The following ZFHX3 variants were observed in gnomAD, a reference collection of about 807,000 sequenced individuals.
ZFHX3 encodes the protein zinc finger homeobox 3, also known as zinc finger homeobox protein 3.
ZFHX3 carries 42 observed loss-of-function variants against 279.1 expected under a neutral mutation model. The ratio of observed to expected loss-of-function variants is 0.15; its 90% confidence interval spans 0.12 to 0.19. The LOEUF is 0.19. ZFHX3 is among the 10% of genes least tolerant of loss of function. The pLI is 1.00. For synonymous variants in ZFHX3, 2,293 were observed against 1,957.8 expected (o/e 1.17, Z -4.52); for missense variants, 4,981 against 4,754.0 (o/e 1.05, Z -1.40).
chr16:73,483,731 G>C lies in ZFHX3; in HGVS notation c.-1546-27473C>G, dbSNP rs962757229. Among the ~76,000 whole-genome samples the C allele has an allele frequency of 5.9e-5, 9 of 152,210 alleles. No homozygotes were observed. The South Asian group carries it at 1.9e-3, about 32-fold the overall frequency. ...CAAATATCGACAAAGGCTCGACACA[G>C]TTTCGCTATTGTGGATCCGGAGGGT... is the stretch of plus-strand genomic sequence containing the variant. On this transcript the variant is annotated intron_variant, in intron 2 of 17. Coordinates refer to the ZFHX3 transcript ENST00000641206.
In ZFHX3 at chr16:73,474,383, A is replaced by G. The variant is rs539773665; in HGVS notation, c.-1546-18125T>C. Among the ~76,000 whole-genome samples the G allele has an allele frequency of 9.8e-5, 15 of 152,318 alleles. No homozygotes were observed. The South Asian group carries it at 3.1e-3, about 32-fold the overall frequency. On this transcript the variant is annotated intron_variant, in intron 2 of 17. Transcript: ENST00000641206. ...AGGCCGGTCTCGAACTCCTGACCTC[A>G]GGTGATCCACCCACCTTGGCCTCCC...
chr16:72,870,464 C>T (rs893955645), intron 4 of ZFHX3, among the ~76,000 whole-genome samples: 1 of 151,766 alleles, frequency 6.6e-6, no homozygotes, highest in African/African-American at 2.4e-5. Flanking sequence ...AATCCCAGCA[C>T]TTTGGGAGGC....
At chr16:73,392,769 C>T (rs1037755952) in intron 3 of ZFHX3, among the ~76,000 whole-genome samples, 2 of 152,160 alleles carry the variant, frequency 1.3e-5, no homozygotes, top group Non-Finnish European at 2.9e-5. Flanking sequence ...TTGGCTGTCT[C>T]AACCTTCTAA....
intron 1 of ZFHX3, among the ~76,000 whole-genome samples, chr16:73,690,538 T>A (rs2053138414): frequency 6.6e-6 from 1 of 152,230 alleles, no homozygotes; most frequent in Non-Finnish European, 1.5e-5. Context: ...CAAAGTTTCC[T>A]CCCATCCCTT....
chr16:73,030,231 G>T (rs534790941), intron 1 of ZFHX3, among the ~76,000 whole-genome samples: 1 of 152,292 alleles, frequency 6.6e-6, no homozygotes, highest in South Asian at 2.1e-4. Flanking sequence ...GCTATAAAAT[G>T]TATGTGACCA....
chr16:73,655,136 C>A (rs1315058929), intron 2 of ZFHX3, among the ~76,000 whole-genome samples: 1 of 152,188 alleles, frequency 6.6e-6, no homozygotes, highest in Admixed American at 6.5e-5. Context: ...GCTGGAACTA[C>A]AGGCGTGAGC....
intron 4 of ZFHX3, among the ~76,000 whole-genome samples, chr16:73,304,634 C>A (rs943556973): frequency 6.6e-6 from 1 of 152,202 alleles, no homozygotes; most frequent in African/African-American, 2.4e-5. Context: ...CTTCCTCCAG[C>A]CCTCTTATCT....
intron 2 of ZFHX3, among the ~76,000 whole-genome samples, chr16:73,580,094 A>G (rs909883926): frequency 6.6e-6 from 1 of 151,424 alleles, no homozygotes; most frequent in African/African-American, 2.4e-5. Flanking sequence ...TAGTATTATG[A>G]AGAAATAATT....
intron 1 of ZFHX3, among the ~76,000 whole-genome samples, chr16:72,991,964 C>T (rs117160776): frequency 0.033 from 4,997 of 152,238 alleles, 104 homozygotes; most frequent in Non-Finnish European, 0.054. Flanking sequence ...GTGGTTATAA[C>T]GGAGGATCCC....
At chr16:73,488,323 T>C (rs951283476) in intron 2 of ZFHX3, among the ~76,000 whole-genome samples, 1 of 152,096 alleles carries the variant, frequency 6.6e-6, no homozygotes, top group African/African-American at 2.4e-5. Context: ...AGGGACAGCC[T>C]ACTATAGTGC....
intron 3 of ZFHX3, among the ~76,000 whole-genome samples, chr16:73,343,344 C>G (rs1031131964): frequency 3.3e-5 from 5 of 152,172 alleles, no homozygotes; most frequent in African/African-American, 9.7e-5. Flanking sequence ...GAATCCAGGA[C>G]TCTTTGGAGA....
intron 2 of ZFHX3, among the ~76,000 whole-genome samples, chr16:73,581,207 T>C (rs2051857438): frequency 6.6e-6 from 1 of 151,892 alleles, no homozygotes; most frequent in Non-Finnish European, 1.5e-5. Context: ...AAATTTTGTA[T>C]TATAATATAG....
intron 5 of ZFHX3, among the ~76,000 whole-genome samples, chr16:73,230,866 A>G (rs560624699): frequency 2.6e-5 from 4 of 152,326 alleles, no homozygotes; most frequent in Admixed American, 1.3e-4. Flanking sequence ...GCTGGCTGAT[A>G]AAGCAGACAG....
At chr16:73,434,295 T>C (rs1180069419) in intron 3 of ZFHX3, among the ~76,000 whole-genome samples, 5 of 152,140 alleles carry the variant, frequency 3.3e-5, no homozygotes, top group Non-Finnish European at 7.4e-5. Flanking sequence ...TACAAGAGGA[T>C]TGATTGAGAT....
chr16:73,654,702 A>G (rs1221909864), intron 2 of ZFHX3, among the ~76,000 whole-genome samples: 1 of 152,082 alleles, frequency 6.6e-6, no homozygotes, highest in Non-Finnish European at 1.5e-5. Flanking sequence ...GATAGATTAA[A>G]GGAGAAAACA....
chr16:73,074,469 C>T (rs535177538), intron 8 of ZFHX3, among the ~76,000 whole-genome samples: 1 of 152,358 alleles, frequency 6.6e-6, no homozygotes, highest in South Asian at 2.1e-4. Flanking sequence ...CCGCTTGCTT[C>T]CCCAAGGATA....
intron 4 of ZFHX3, among the ~76,000 whole-genome samples, chr16:73,260,261 C>T (rs2013782116): frequency 6.6e-6 from 1 of 152,120 alleles, no homozygotes; most frequent in Non-Finnish European, 1.5e-5. Context: ...TGTCCCAATA[C>T]TGGTGATGCC....
intron 1 of ZFHX3, among the ~76,000 whole-genome samples, chr16:73,878,176 G>A (rs1470792298): frequency 6.6e-6 from 1 of 151,954 alleles, no homozygotes; most frequent in African/African-American, 2.4e-5. Flanking sequence ...ACTCTTGCTG[G>A]TTCAATCGAT....
At chr16:73,317,106 T>C (rs1418015851) in intron 4 of ZFHX3, among the ~76,000 whole-genome samples, 2 of 151,940 alleles carry the variant, frequency 1.3e-5, no homozygotes, top group Admixed American at 6.6e-5. Flanking sequence ...TTCTTAGCTA[T>C]ATACAAGGGA....
Sources: gnomAD v4.1 joint callset for allele counts (sites outside exome capture counted in the v4.1 genomes callset) on GRCh38, gnomAD v4.1.1 for gene constraint, MANE v1.5 for transcripts, NCBI Gene and HGNC (gene_info 2026-07-23, HGNC 2026-07-21) for gene names.